TRIML2: variants seen among roughly 807,000 people sequenced by gnomAD.
TRIML2 encodes the protein tripartite motif family like 2.
A neutral mutation model predicts 31.2 loss-of-function variants in TRIML2; 28 were observed. That is an observed-to-expected ratio of 0.90 (90% CI 0.66 to 1.23). The LOEUF (loss-of-function observed/expected upper bound fraction) is 1.23. TRIML2 is among the 50% of genes most tolerant of loss of function. The pLI is 0.00. For synonymous variants in TRIML2, 187 were observed against 197.5 expected (o/e 0.95, Z 0.45); for missense variants, 536 against 528.3 (o/e 1.01, Z -0.14).
Position 188,091,292 on chromosome 4 carries a change from G to C in TRIML2, c.*81C>G. On this transcript the variant is annotated 3_prime_UTR_variant, in exon 8 of 8. Coordinates refer to ENST00000682553, the MANE Select transcript of TRIML2 (RefSeq NM_173553.4). ...CCTACTCCTGGAACGCTTTTTATTG[G>C]GTTAGTTTACACAAATTCTTTCAAA... 6 of 1,373,630 alleles carry C rather than the reference G, an allele frequency of 4.4e-6. No individual in the cohort carries two copies. The highest frequency in any genetic ancestry group is 6.0e-6 in the Non-Finnish European group (6 of 998,812). The allele number at this position is 1,373,630 out of a possible 1,614,324, so 85.1% of individuals were successfully genotyped here.
rs774237626 is a variant in TRIML2, at chr4:188,104,849, C to T, written c.273G>A (p.Met91Ile). The change falls in exon 3 of 8, where the codon ATG becomes ATA. Residue 91 changes from methionine (M) to isoleucine (I), a missense_variant. Met to Ile is a conservative substitution (Grantham distance 10, BLOSUM62 1). Transcript: ENST00000682553. ...AGCACTCACTGACCTGAATCATCGCCATTCTTTCTTGCTCATCAGTCAATA... is the reference window on the plus strand; with the variant it reads ...AGCACTCACTGACCTGAATCATCGCTATTCTTTCTTGCTCATCAGTCAATA... ...KSILTDEQER[M>I]AMIQEEEQNF... is the part of the protein sequence containing the mutation. 3 of 1,613,846 alleles carry T rather than the reference C, an allele frequency of 1.9e-6. No homozygotes were observed. The highest frequency in any genetic ancestry group is 2.5e-6 in the Non-Finnish European group (3 of 1,179,768).
Position 188,091,298 on chromosome 4 carries a change from T to C in TRIML2, c.*75A>G. The C allele has an allele frequency of 6.9e-7, 1 of 1,443,808 alleles. No individual in the cohort carries two copies. The highest frequency in any genetic ancestry group is 1.4e-5 in the African/African-American group (1 of 70,308). 89.4% of individuals were successfully genotyped at this position (1,443,808 alleles called of 1,614,324 possible). A position where few individuals can be genotyped will look rare whatever the true frequency, so the allele number is the denominator to read the frequency against. Reference sequence around the variant, plus strand: ...CCTGGAACGCTTTTTATTGGGTTAGTTTACACAAATTCTTTCAAAGTCTTG... The same window carrying C: ...CCTGGAACGCTTTTTATTGGGTTAGCTTACACAAATTCTTTCAAAGTCTTG... On this transcript the variant is annotated 3_prime_UTR_variant, in exon 8 of 8. Transcript: ENST00000682553.
chr4:188,101,708 C>CA (rs1484425922), intron 3 of TRIML2, among the ~76,000 whole-genome samples: 1 of 150,454 alleles, frequency 6.6e-6, no homozygotes, highest in East Asian at 2.0e-4. Context: ...AACAAACAAA[C>CA]AAAAAAAGAC....
At chr4:188,095,221 A>T (rs756363902) in intron 7 of TRIML2, among the ~76,000 whole-genome samples, 3 of 152,218 alleles carry the variant, frequency 2.0e-5, no homozygotes, top group African/African-American at 7.2e-5. Context: ...GGCTTTGGCA[A>T]AATTTCTTAA....
rs188220839 is a variant in TRIML2 at position 188,104,041 on chromosome 4, G to A, written c.285+796C>T. Among the ~76,000 whole-genome samples, 319 of 152,284 alleles carry A rather than the reference G, an allele frequency of 2.1e-3. 4 individuals are homozygous for A. The highest frequency in any genetic ancestry group is 0.02 in the Admixed American group (304 of 15,282). ...CAGGCTGAAATTAGAAGTGAAATAT[G>A]CCTAACAGGTGGTGAACCCTCAAAT... On this transcript the variant is annotated intron_variant, in intron 3 of 7. Transcript: ENST00000682553.
At position 188,099,308 on chromosome 4, in the gene TRIML2, T is replaced by A. The variant is rs376179321; in HGVS notation, c.481-133A>T. 15 of 1,194,488 alleles carry A rather than the reference T, an allele frequency of 1.3e-5. No individual in the cohort carries two copies. In the African/African-American group the frequency reaches 2.3e-4, roughly 18 times the overall value. 74.0% of individuals were successfully genotyped at this position (1,194,488 alleles called of 1,614,324 possible). On this transcript the variant is annotated intron_variant, in intron 4 of 7. Coordinates refer to ENST00000682553, the MANE Select transcript of TRIML2 (RefSeq NM_173553.4). The stretch of plus-strand genomic sequence containing the variant: ...TCGGTTGGGCGCAGTGGCTCACGCC[T>A]GTAATCCCAGCACTTTGGGTGGCCA...
At chr4:188,107,416 G>A (rs1249941331) in intron 1 of TRIML2, among the ~76,000 whole-genome samples, 1 of 152,110 alleles carries the variant, frequency 6.6e-6, no homozygotes, top group Non-Finnish European at 1.5e-5. Flanking sequence ...TGGGATCTTC[G>A]TCAATAATGA....
rs1734156166 is a variant in TRIML2, at chr4:188,109,559, T to G, written c.-539A>C. The stretch of plus-strand genomic sequence containing the variant: ...TCCCAAAGTACTGGGATTACAGGAA[T>G]GAGTCACCACACCGAACCAAGGTAT... On this transcript the variant is annotated 5_prime_UTR_variant, in exon 1 of 8. Coordinates refer to ENST00000682553, the MANE Select transcript of TRIML2 (RefSeq NM_173553.4). 1 of 152,060 alleles carries G rather than the reference T, an allele frequency of 6.6e-6. No individual in the cohort carries two copies. The highest frequency in any genetic ancestry group is 1.5e-5 in the Non-Finnish European group (1 of 68,032). The allele number at this position is 152,060 out of a possible 1,614,324, so 9.4% of individuals were successfully genotyped here.
Position 188,091,747 on chromosome 4 carries a change from T to C in TRIML2, c.940A>G (p.Thr314Ala), listed in dbSNP as rs141640459. The C allele has an allele frequency of 2.1e-4, 333 of 1,614,072 alleles. 2 individuals carry two copies. The African/African-American group carries it at 3.7e-3, about 18-fold the overall frequency. ...TGGTATATGCCCACTTGCCACCTGG[T>C]TGCCTTTTCCACGTCCACCTCCCAG... ...HYWEVDVEKATRWQVGIYHGS... is the reference protein window; with the variant it reads ...HYWEVDVEKAARWQVGIYHGS... Residue 314 changes from threonine (T) to alanine (A), a missense_variant, in exon 8 of 8, where the codon ACC (threonine) becomes GCC (alanine). Thr to Ala is a moderately conservative substitution (Grantham distance 58). Coordinates refer to ENST00000682553, the MANE Select transcript of TRIML2 (RefSeq NM_173553.4).
chr4:188,097,034 T>A, intron 7 of TRIML2, 27 bp downstream of exon 7: 1 of 1,464,230 alleles, frequency 6.8e-7, no homozygotes, highest in Non-Finnish European at 9.6e-7. Context: ...AACAGTGCCC[T>A]GTGAGTATTC....
At position 188,109,270 on chromosome 4, in the gene TRIML2, C is replaced by CTTTTTTTTTT. The variant is rs769207658; in HGVS notation, c.-260_-251dup. On this transcript the variant is annotated 5_prime_UTR_variant, in exon 1 of 8. Coordinates refer to ENST00000682553, the MANE Select transcript of TRIML2 (RefSeq NM_173553.4). ...TCTTTGTAGCAATCCTGGGTATTTC[C>CTTTTTTTTTT]TTTTTTTTTTTTTTTTTTTTTTTTG... The CTTTTTTTTTT allele has an allele frequency of 7.1e-5, 5 of 69,950 alleles. 1 individual carries two copies. The highest frequency in any genetic ancestry group is 4.1e-4 in the East Asian group (1 of 2,428). 4.3% of individuals were successfully genotyped at this position (69,950 alleles called of 1,614,324 possible). A position where few individuals can be genotyped will look rare whatever the true frequency, so the allele number is the denominator to read the frequency against.
chr4:188,091,380 C>T lies in TRIML2; in HGVS notation c.1307G>A (p.Ser436Asn). 2.5e-6 allele frequency: 4 copies of T among 1,612,714 alleles called. No individual in the cohort carries two copies. The highest frequency in any genetic ancestry group is 3.4e-6 in the Non-Finnish European group (4 of 1,178,992). ...QHGPSCDATV[S>N]P ...GATTTTACACACAGAAGATTAAGGG[C>T]TAACAGTAGCATCACAAGAAGGACC... Residue 436 changes from serine to asparagine, a missense_variant, in exon 8 of 8, where the codon AGC (serine) becomes AAC (asparagine). Ser to Asn is a conservative substitution (Grantham distance 46). Transcript: ENST00000682553.
intron 1 of TRIML2, among the ~76,000 whole-genome samples, chr4:188,108,311 A>G (rs932220874): frequency 6.6e-6 from 1 of 152,166 alleles, no homozygotes; most frequent in Non-Finnish European, 1.5e-5. Flanking sequence ...ATGTCTAAGG[A>G]GCACTCAAAA....
intron 7 of TRIML2, chr4:188,092,897 C>A (rs541057566): frequency 4.4e-6 from 2 of 456,674 alleles, no homozygotes; most frequent in South Asian, 3.1e-5. Flanking sequence ...CTATTGTGAT[C>A]TTTCAGGGCT....
chr4:188,097,364 G>T lies in TRIML2; in HGVS notation c.622-18C>A. ...TTTGCATTCTAAGGGAAAGAAAAGA[G>T]ACCAGGTTACTACTGGGTTTTTGAG... On this transcript the variant is annotated intron_variant, in intron 5 of 7. Coordinates refer to ENST00000682553, the MANE Select transcript of TRIML2 (RefSeq NM_173553.4). The T allele has an allele frequency of 6.2e-7, 1 of 1,613,650 alleles. No homozygotes were observed. The highest frequency in any genetic ancestry group is 1.7e-4 in the Middle Eastern group (1 of 6,060).
intron 7 of TRIML2, 30 bp downstream of exon 7, chr4:188,097,031 C>T (rs775390186): frequency 5.6e-6 from 8 of 1,436,834 alleles, no homozygotes; most frequent in African/African-American, 2.8e-5. Context: ...CAGAACAGTG[C>T]CCTGTGAGTA....
intron 4 of TRIML2, 138 bp from the exon 5 acceptor site, chr4:188,099,313 T>C (rs959610920): frequency 3.5e-6 from 4 of 1,153,570 alleles, no homozygotes; most frequent in South Asian, 1.7e-5. Flanking sequence ...ACGCCTGTAA[T>C]CCCAGCACTT....
At chr4:188,093,983 C>T (rs931619512) in intron 7 of TRIML2, among the ~76,000 whole-genome samples, 3 of 151,476 alleles carry the variant, frequency 2.0e-5, no homozygotes, top group East Asian at 2.0e-4. Context: ...CTCAGCTACT[C>T]GGGAGGTTGA....
Position 188,091,734 on chromosome 4 carries a change from A to G in TRIML2, c.953T>C (p.Val318Ala), listed in dbSNP as rs771384389. The part of the protein sequence containing the change: ...VDVEKATRWQ[V>A]GIYHGSADAK... ...GTCTGCAGAGCCGTGGTATATGCCC[A>G]CTTGCCACCTGGTTGCCTTTTCCAC... Residue 318 changes from valine to alanine, a missense_variant, in exon 8 of 8, where the codon GTG becomes GCG. Coordinates refer to ENST00000682553, the MANE Select transcript of TRIML2 (RefSeq NM_173553.4). 6 of 1,613,912 alleles carry G rather than the reference A, an allele frequency of 3.7e-6. No individual in the cohort carries two copies. The highest frequency in any genetic ancestry group is 1.6e-4 in the Middle Eastern group (1 of 6,084).
Sources: allele counts gnomAD v4.1 joint callset (sites outside exome capture counted in the v4.1 genomes callset), GRCh38; gene constraint gnomAD v4.1.1; transcripts MANE v1.5; gene names NCBI Gene and HGNC (gene_info 2026-07-23, HGNC 2026-07-21).